Variants in QRICH2 observed in about 807,000 individuals in gnomAD.
QRICH2 encodes glutamine-rich protein 2.
In QRICH2, 119 loss-of-function variants were observed where a neutral mutation model predicts 168.3. That is an observed-to-expected ratio of 0.71 (90% CI 0.61 to 0.82). QRICH2 has a LOEUF of 0.82. QRICH2 is among the 40% of genes least tolerant of loss of function. The probability of loss-of-function intolerance (pLI) is 0.00; values close to 1 mark genes in which losing one functional copy is unlikely to be tolerated. For synonymous variants in QRICH2, 894 were observed against 951.2 expected, an observed-to-expected ratio of 0.94 and a Z score of 1.11; for missense variants, 2,241 against 2,491.6, an observed-to-expected ratio of 0.90 and a Z score of 2.14.
rs61553346 is a variant in QRICH2 at position 76,284,168 on chromosome 17, CAAAAAAA to C, written c.4012-2060_4012-2054del. Among the ~76,000 whole-genome samples the C allele has an allele frequency of 2.1e-3, 132 of 62,740 alleles. 5 individuals carry two copies. Among genetic ancestry groups the C allele is most frequent in the African/African-American group, 5.0e-3 (46 of 9,188 alleles). The allele number at this position is 62,740 out of a possible 152,430, so 41.2% of individuals were successfully genotyped here. A position where few individuals can be genotyped will look rare whatever the true frequency, so the allele number is the denominator to read the frequency against. On this transcript the variant is annotated intron_variant, in intron 7 of 18. Transcript: ENST00000680821. ...GGGCAACAGAGCAAAACTCTGTCTC[CAAAAAAA>C]AAAAAAAAAAAAAAAAAAAAATGCA...
At chr17:76,275,710 C>T (rs1016180522) in intron 18 of QRICH2, 109 bp downstream of exon 18, 80 of 1,399,196 alleles carry the variant, frequency 5.7e-5, no homozygotes, top group Non-Finnish European at 6.6e-5. Flanking sequence ...CCCTTCGGCT[C>T]CCAGGCCCTC....
At chr17:76,296,794 A>AT (rs1367475788) in intron 3 of QRICH2, among the ~76,000 whole-genome samples, 2 of 151,688 alleles carry the variant, frequency 1.3e-5, no homozygotes, top group Admixed American at 6.6e-5. Flanking sequence ...AAAAAAAAAA[A>AT]AAAATAACCA....
Position 76,299,129 on chromosome 17 carries a change from G to C in QRICH2, c.706-5108C>G, listed in dbSNP as rs114482912. ...CAGATGACCAAATTGTTTTCCGATC[G>C]CCAACCTACCTTCACCTGAATAAAA... is the stretch of plus-strand genomic sequence containing the variant. On this transcript the variant is annotated intron_variant, in intron 3 of 18. Transcript: ENST00000680821. Among the ~76,000 whole-genome samples, 467 of 152,090 alleles carry C rather than the reference G, an allele frequency of 3.1e-3. 2 individuals are homozygous for C. Among genetic ancestry groups the C allele is most frequent in the African/African-American group, 0.01 (434 of 41,498 alleles).
upstream of QRICH2, among the ~76,000 whole-genome samples, chr17:76,309,175 T>C (rs554957918): frequency 9.4e-5 from 14 of 148,208 alleles, no homozygotes; most frequent in South Asian, 1.1e-3. Flanking sequence ...CTAGCCAACA[T>C]AGTGAAACCC....
chr17:76,285,590 G>T (rs1364878479), intron 7 of QRICH2, among the ~76,000 whole-genome samples: 1 of 151,630 alleles, frequency 6.6e-6, no homozygotes, highest in African/African-American at 2.4e-5. Context: ...TTATACATGA[G>T]GCCAGGCCAG....
chr17:76,300,554 G>A (rs573692824), intron 3 of QRICH2, among the ~76,000 whole-genome samples: 2 of 152,180 alleles, frequency 1.3e-5, no homozygotes, highest in Non-Finnish European at 2.9e-5. Context: ...TTTGAAACTG[G>A]GTGTTAACCT....
intron 16 of QRICH2, among the ~76,000 whole-genome samples, 174 bp downstream of exon 16, chr17:76,276,989 G>A (rs75047164): frequency 0.016 from 2,389 of 152,342 alleles, 44 homozygotes; most frequent in South Asian, 0.039. Flanking sequence ...AGGTGGCCGG[G>A]GTGAATCTTT....
intron 3 of QRICH2, among the ~76,000 whole-genome samples, chr17:76,300,741 C>T (rs920682377): frequency 3.3e-5 from 5 of 151,762 alleles, no homozygotes; most frequent in Non-Finnish European, 7.4e-5. Context: ...GGCAACATGG[C>T]AAAAACCTTT....
rs151295247 is a variant in QRICH2 at position 76,291,851 on chromosome 17, C to T, written c.2876G>A (p.Arg959His). The T allele has an allele frequency of 4.5e-5, 73 of 1,613,996 alleles. No homozygotes were observed. The highest frequency in any genetic ancestry group is 3.7e-4 in the African/African-American group (28 of 74,878). The change falls in exon 4 of 19, where the codon CGT becomes CAT. Residue 959 changes from arginine (R) to histidine (H), a missense_variant. Transcript: ENST00000680821. ...HDLSQSGTYP[R>H]GLVQPGMDQY... ...ATCCATTCCTGGCTGCACCAGACCACGTGGATATGTCCCAGATTGAGATAA... is the reference window on the plus strand; with the variant it reads ...ATCCATTCCTGGCTGCACCAGACCATGTGGATATGTCCCAGATTGAGATAA...
chr17:76,279,255 G>A, intron 13 of QRICH2, 108 bp downstream of exon 13: 1 of 1,329,850 alleles, frequency 7.5e-7, no homozygotes, highest in Non-Finnish European at 1.1e-6. Flanking sequence ...GGGAGCGAGG[G>A]CTGGAAGCAG....
Position 76,308,066 on chromosome 17 carries a change from C to T in QRICH2, c.-68G>A, listed in dbSNP as rs778813594. 2 of 1,229,428 alleles carry T rather than the reference C, an allele frequency of 1.6e-6. No homozygotes were observed. Among genetic ancestry groups the T allele is most frequent in the East Asian group, 3.2e-5 (1 of 31,502 alleles). The allele number at this position is 1,229,428 out of a possible 1,614,324, so 76.2% of individuals were successfully genotyped here. On this transcript the variant is annotated 5_prime_UTR_variant, in exon 1 of 19. Coordinates refer to ENST00000680821, the MANE Select transcript of QRICH2 (RefSeq NM_001388453.1). ...ACCACTTCCCGCTCACTGCACGCCGCGCCTTGGGGCCTTTCGGGGGCCCTG... is the reference window on the plus strand; with the variant it reads ...ACCACTTCCCGCTCACTGCACGCCGTGCCTTGGGGCCTTTCGGGGGCCCTG...
intron 15 of QRICH2, 61 bp downstream of exon 15, chr17:76,277,928 G>A: frequency 2.6e-6 from 4 of 1,566,932 alleles, no homozygotes; most frequent in Non-Finnish European, 3.5e-6. Flanking sequence ...CCGTGCACGA[G>A]CAGAAGCCAA....
chr17:76,306,168 CAAA>C (rs368182885), intron 1 of QRICH2, among the ~76,000 whole-genome samples: 7 of 68,104 alleles, frequency 1.0e-4, no homozygotes, highest in South Asian at 7.1e-4. Context: ...GAATGTGTCT[CAAA>C]AAAAAAAAAA....
intron 15 of QRICH2, 108 bp from the exon 16 acceptor site, chr17:76,277,418 G>C (rs935125191): frequency 2.0e-5 from 27 of 1,323,002 alleles, no homozygotes; most frequent in South Asian, 1.2e-4. Context: ...GCTTCTCTTC[G>C]GGGGCTGCCG....
Position 76,279,137 on chromosome 17 carries a change from A to G in QRICH2, c.4820T>C (p.Ile1607Thr). 1.2e-6 allele frequency: 2 copies of G among 1,612,014 alleles called. No individual in the cohort carries two copies. Among genetic ancestry groups the G allele is most frequent in the South Asian group, 1.1e-5 (1 of 90,872 alleles). Residue 1607 changes from isoleucine to threonine, a missense_variant, in exon 14 of 19, where the codon ATC (isoleucine) becomes ACC (threonine). Ile to Thr is a moderately conservative substitution (Grantham distance 89, BLOSUM62 -1). Coordinates refer to ENST00000680821, the MANE Select transcript of QRICH2 (RefSeq NM_001388453.1). ...PLETPVTGHA[I>T]PVTPAGPGLP... ...GCCTGGACCCGCGGGGGTCACGGGGATGGCACTGGGCAGGGACAGAGGGAG... is the reference window on the plus strand; with the variant it reads ...GCCTGGACCCGCGGGGGTCACGGGGGTGGCACTGGGCAGGGACAGAGGGAG...
intron 5 of QRICH2, among the ~76,000 whole-genome samples, chr17:76,288,931 C>G (rs1479396790): frequency 6.6e-6 from 1 of 151,518 alleles, no homozygotes; most frequent in Non-Finnish European, 1.5e-5. Context: ...GGTGAAACCC[C>G]ATCTCTACTA....
At chr17:76,285,557 C>A (rs553297369) in intron 7 of QRICH2, among the ~76,000 whole-genome samples, 3 of 151,662 alleles carry the variant, frequency 2.0e-5, no homozygotes, top group Non-Finnish European at 4.4e-5. Context: ...CGTGAGTCAC[C>A]GCAGCCGGCC....
In QRICH2 at chr17:76,304,528, G is replaced by C; in HGVS notation, c.595-3C>G. 2.5e-6 allele frequency: 4 copies of C among 1,602,038 alleles called. No homozygotes were observed. Among genetic ancestry groups the C allele is most frequent in the Non-Finnish European group, 3.4e-6 (4 of 1,170,728 alleles). On this transcript the variant is annotated splice_region_variant and splice_polypyrimidine_tract_variant and intron_variant, in intron 2 of 18. Coordinates refer to ENST00000680821, the MANE Select transcript of QRICH2 (RefSeq NM_001388453.1). ...CTCAGCTTCCGGCTGACTAGTTCCT[G>C]ACAGTGACAGAAAAGACACACACAT...
At chr17:76,301,907 T>C (rs2070909835) in intron 3 of QRICH2, among the ~76,000 whole-genome samples, 2 of 132,876 alleles carry the variant, frequency 1.5e-5, no homozygotes, top group Non-Finnish European at 3.2e-5. Flanking sequence ...TGTGTGTGTG[T>C]GTGTGTGTGT....
Sources: allele counts gnomAD v4.1 joint callset (sites outside exome capture counted in the v4.1 genomes callset), GRCh38; gene constraint gnomAD v4.1.1; transcripts MANE v1.5; gene names NCBI Gene and HGNC (gene_info 2026-07-23, HGNC 2026-07-21).